TUBGCP3: variants seen among roughly 807,000 people sequenced by gnomAD.
TUBGCP3 encodes the protein gamma-tubulin complex component 3.
A neutral mutation model predicts 123.1 loss-of-function variants in TUBGCP3; 50 were observed. The observed-to-expected ratio is 0.41, with a 90% CI of 0.32 to 0.51. The LOEUF (loss-of-function observed/expected upper bound fraction) is 0.51, where lower values mean the gene tolerates loss of function less well. Among genes scored for constraint, TUBGCP3 ranks in the 20% least tolerant of loss-of-function variants. TUBGCP3 has a pLI of 0.36. For synonymous variants in TUBGCP3, 405 were observed against 413.9 expected, an observed-to-expected ratio of 0.98 and a Z score of 0.26; for missense variants, 882 against 1,127.0, an observed-to-expected ratio of 0.78 and a Z score of 3.11.
chr13:112,492,123 A>C (rs978753738), intron 20 of TUBGCP3, among the ~76,000 whole-genome samples: 10 of 152,218 alleles, frequency 6.6e-5, no homozygotes, highest in Non-Finnish European at 1.5e-4. Flanking sequence ...TTTGGATGGT[A>C]TCAATACTCT....
At chr13:112,543,684 T>C (rs183101837) in intron 11 of TUBGCP3, among the ~76,000 whole-genome samples, 14 of 152,320 alleles carry the variant, frequency 9.2e-5, no homozygotes, top group East Asian at 7.7e-4. Flanking sequence ...GTAAAACTTG[T>C]GTGGAGTCTC....
At chr13:112,555,040 G>A (rs1399226731) in intron 6 of TUBGCP3, 35 bp from the exon 7 acceptor site, 1 of 1,333,622 alleles carries the variant, frequency 7.5e-7, no homozygotes, top group Admixed American at 2.0e-5. Flanking sequence ...GTAATTACTA[G>A]ACAATATTTT....
At chr13:112,502,573 T>C (rs1275427357) in intron 19 of TUBGCP3, among the ~76,000 whole-genome samples, 3 of 134,234 alleles carry the variant, frequency 2.2e-5, no homozygotes, top group African/African-American at 5.9e-5. Context: ...TGAGACAGAG[T>C]CTCGCTCTGT....
intron 1 of TUBGCP3, among the ~76,000 whole-genome samples, chr13:112,577,062 A>G (rs1233120261): frequency 6.6e-6 from 1 of 152,154 alleles, no homozygotes; most frequent in African/African-American, 2.4e-5. Flanking sequence ...GACAAGACAC[A>G]GAATCAGGAA....
In TUBGCP3 at chr13:112,583,409, C is replaced by T. The variant is rs182273573; in HGVS notation, c.76+4496G>A. 3.4e-3 allele frequency among the ~76,000 whole-genome samples: 513 copies of T among 152,238 alleles called. 4 individuals are homozygous for T. The highest frequency in any genetic ancestry group is 0.013 in the Admixed American group (193 of 15,284). On this transcript the variant is annotated intron_variant, in intron 1 of 21. Transcript: ENST00000261965. ...GATGAGATTGGTTTTCTAGAAAGGA[C>T]CCTCTGACTGAAGAGGAGAAGAGGA...
the TUBGCP3 span, among the ~76,000 whole-genome samples, chr13:112,600,760 C>G: frequency 6.6e-6 from 1 of 152,130 alleles, no homozygotes; most frequent in African/African-American, 2.4e-5. Context: ...CACTACTCGC[C>G]TCTTCTCCAG....
In TUBGCP3 at chr13:112,519,454, C is replaced by A. The variant is rs1040279147; in HGVS notation, c.1882-411G>T. Among the ~76,000 whole-genome samples, 4 of 152,164 alleles carry A rather than the reference C, an allele frequency of 2.6e-5. No homozygotes were observed. Among genetic ancestry groups the A allele is most frequent in the Non-Finnish European group, 2.9e-5 (2 of 68,044 alleles). On this transcript the variant is annotated intron_variant, in intron 15 of 21. Coordinates refer to ENST00000261965, the MANE Select transcript of TUBGCP3 (RefSeq NM_006322.6). The surrounding 1 kb of genome is among the most constrained non-coding windows in gnomAD (Gnocchi z 6.2). ...TGGGTTTATGTTCATAATAACCACA[C>A]CCTTAAGAAAAGTCATGTCCTACCA...
chr13:112,504,527 T>C lies in TUBGCP3; in HGVS notation c.2175+99A>G. On this transcript the variant is annotated intron_variant, in intron 18 of 21. Transcript: ENST00000261965. ...AAAAAATTATGTATATATACACATA[T>C]ATATACACACATACATACACATATA... The C allele has an allele frequency of 3.6e-6, 3 of 822,942 alleles. No individual in the cohort carries two copies. The highest frequency in any genetic ancestry group is 3.1e-5 in the Admixed American group (1 of 32,342). 51.0% of individuals were successfully genotyped at this position (822,942 alleles called of 1,614,324 possible).
chr13:112,539,392 C>T (rs913865487), intron 11 of TUBGCP3, among the ~76,000 whole-genome samples: 7 of 152,198 alleles, frequency 4.6e-5, no homozygotes, highest in Non-Finnish European at 5.9e-5. Context: ...TGAGATAAAC[C>T]GGTAGGTGGT....
chr13:112,510,323 A>T (rs1881595212), intron 17 of TUBGCP3, among the ~76,000 whole-genome samples: 1 of 152,130 alleles, frequency 6.6e-6, no homozygotes, highest in Non-Finnish European at 1.5e-5. Flanking sequence ...TAAACATGAT[A>T]TTTGTTTTTT....
intron 20 of TUBGCP3, among the ~76,000 whole-genome samples, chr13:112,496,804 G>A (rs1880557900): frequency 6.6e-6 from 1 of 152,162 alleles, no homozygotes. Context: ...GGCTAACACA[G>A]TGAAACCCTG....
intron 19 of TUBGCP3, among the ~76,000 whole-genome samples, chr13:112,499,488 A>G (rs1310055828): frequency 6.6e-6 from 1 of 152,180 alleles, no homozygotes; most frequent in Non-Finnish European, 1.5e-5. Flanking sequence ...AATCCTCACA[A>G]GTTTACAAAA....
At chr13:112,593,989 A>C in the TUBGCP3 span, among the ~76,000 whole-genome samples, 1 of 152,036 alleles carries the variant, frequency 6.6e-6, no homozygotes, top group Non-Finnish European at 1.5e-5. Context: ...ACCAACAATG[A>C]ATAGAAAATT....
chr13:112,512,279 A>G (rs1330030514), intron 17 of TUBGCP3, among the ~76,000 whole-genome samples: 2 of 152,088 alleles, frequency 1.3e-5, no homozygotes, highest in East Asian at 1.9e-4. Flanking sequence ...AACACAAAAA[A>G]TTAGCTGGGC....
At chr13:112,510,970 C>G (rs572813243) in intron 17 of TUBGCP3, among the ~76,000 whole-genome samples, 3 of 152,314 alleles carry the variant, frequency 2.0e-5, no homozygotes, top group Admixed American at 2.0e-4. Context: ...ACACCTCCTG[C>G]AGGGCCAAGG....
intron 17 of TUBGCP3, among the ~76,000 whole-genome samples, chr13:112,515,620 TAAAAGA>T (rs1290959001): frequency 1.3e-5 from 2 of 152,196 alleles, no homozygotes; most frequent in Non-Finnish European, 2.9e-5. Flanking sequence ...TCACTGCCTT[TAAAAGA>T]AAATCTCCCC....
chr13:112,550,713 G>A (rs1263177264), intron 8 of TUBGCP3, among the ~76,000 whole-genome samples: 2 of 152,214 alleles, frequency 1.3e-5, no homozygotes, highest in African/African-American at 4.8e-5. Context: ...CATGGAATCT[G>A]CTCAGGCACA....
chr13:112,592,550 C>T (rs1002857922), upstream of TUBGCP3, among the ~76,000 whole-genome samples: 28 of 152,314 alleles, frequency 1.8e-4, no homozygotes, highest in African/African-American at 5.8e-4. This position sits in a 1 kb window ranked among gnomAD's most constrained non-coding sequence, Gnocchi z 4.1. Context: ...GAGCCCCTAA[C>T]AAAAGGTTTC....
At chr13:112,496,379 C>T (rs759896600) in intron 20 of TUBGCP3, among the ~76,000 whole-genome samples, 9 of 152,172 alleles carry the variant, frequency 5.9e-5, no homozygotes, top group Non-Finnish European at 2.9e-5. Context: ...GGCGCCGCTT[C>T]GGTCCCAGCA....
Sources: allele counts gnomAD v4.1 joint callset (sites outside exome capture counted in the v4.1 genomes callset), GRCh38; gene constraint gnomAD v4.1.1; non-coding constraint Gnocchi (gnomAD v3.1); transcripts MANE v1.5; gene names NCBI Gene and HGNC (gene_info 2026-07-23, HGNC 2026-07-21).